Variants in NDUFA3 observed in about 807,000 individuals in gnomAD.
NDUFA3 encodes the protein NADH dehydrogenase [ubiquinone] 1 alpha subcomplex subunit 3.
Under a neutral mutation model 11.4 loss-of-function variants are expected in NDUFA3, and 10 were observed. The ratio of observed to expected loss-of-function variants is 0.87; its 90% CI spans 0.54 to 1.48. NDUFA3 has a LOEUF of 1.48. Ranked by LOEUF, NDUFA3 falls within the 40% of genes most tolerant of loss-of-function variation. The pLI is 0.00. For synonymous variants in NDUFA3, 39 were observed against 46.9 expected (o/e 0.83, Z 0.68); for missense variants, 115 against 110.5 (o/e 1.04, Z -0.18).
Position 54,106,923 on chromosome 19 carries a change from G to A in NDUFA3, c.*21G>A, listed in dbSNP as rs587609707. ...TGTGAGCACCTCCACTGACAGAGGC[G>A]GCCCCTCCCACGGCTCCCAATAAAA... is the stretch of plus-strand genomic sequence containing the variant. On this transcript the variant is annotated 3_prime_UTR_variant, in exon 4 of 4. Transcript: ENST00000485876. 5.0e-6 allele frequency: 8 copies of A among 1,605,828 alleles called. No individual in the cohort carries two copies. The highest frequency in any genetic ancestry group is 3.4e-5 in the Admixed American group (2 of 58,174).
chr19:54,105,799 A>T, intron 2 of NDUFA3, 135 bp from the exon 3 acceptor site: 1 of 752,042 alleles, frequency 1.3e-6, no homozygotes, highest in Non-Finnish European at 2.4e-6. Context: ...GGTACCAAGG[A>T]TCCTCCTGGA....
Position 54,107,027 on chromosome 19 carries a change from G to A in NDUFA3, c.*125G>A, listed in dbSNP as rs1271889021. The stretch of plus-strand genomic sequence containing the variant: ...AGTAGACGGTGGCCGGGGTGAGTGT[G>A]GGGTCAGTTTATTGGGCATGCGTCA... On this transcript the variant is annotated 3_prime_UTR_variant, in exon 4 of 4. Coordinates refer to ENST00000485876, the MANE Select transcript of NDUFA3 (RefSeq NM_004542.4). The A allele has an allele frequency of 4.3e-6, 7 of 1,611,642 alleles. No homozygotes were observed. Among genetic ancestry groups the A allele is most frequent in the Non-Finnish European group, 5.9e-6 (7 of 1,178,786 alleles).
At chr19:54,105,183 C>T (rs1170034704) in intron 2 of NDUFA3, among the ~76,000 whole-genome samples, 1 of 151,800 alleles carries the variant, frequency 6.6e-6, no homozygotes, top group Non-Finnish European at 1.5e-5. Context: ...CCCCATCCCC[C>T]AGGACTCCTG....
chr19:54,106,960 A>G lies in NDUFA3; in HGVS notation c.*58A>G, dbSNP rs76095070. 5 of 1,600,718 alleles carry G rather than the reference A, an allele frequency of 3.1e-6. No homozygotes were observed. The East Asian group carries it at 1.1e-4, about 36-fold the overall frequency. ...GGCTCCCAATAAAAATGTGAAAACC[A>G]ACCCCCGAACGTGAGCATGTGTGTG... is the stretch of plus-strand genomic sequence containing the variant. On this transcript the variant is annotated 3_prime_UTR_variant, in exon 4 of 4. Transcript: ENST00000485876.
chr19:54,106,664 C>T (rs1233535675), intron 3 of NDUFA3, 147 bp from the exon 4 acceptor site: 1 of 591,498 alleles, frequency 1.7e-6, no homozygotes, highest in East Asian at 3.1e-5. Flanking sequence ...GTATTTCCCG[C>T]CTCTTTCTGC....
At position 54,106,992 on chromosome 19, in the gene NDUFA3, G is replaced by A; in HGVS notation, c.*90G>A. The A allele has an allele frequency of 6.2e-7, 1 of 1,606,054 alleles. No individual in the cohort carries two copies. The highest frequency in any genetic ancestry group is 2.2e-5 in the East Asian group (1 of 44,702). On this transcript the variant is annotated 3_prime_UTR_variant, in exon 4 of 4. Transcript: ENST00000485876. ...GAACGTGAGCATGTGTGTGATCAGA[G>A]GTGGGAACAAGTAGACGGTGGCCGG...
At chr19:54,102,917 G>A in intron 1 of NDUFA3, 29 bp downstream of exon 1, 1 of 1,608,284 alleles carries the variant, frequency 6.2e-7, no homozygotes. Flanking sequence ...GGCGCACGGG[G>A]CTCGGGTAGT....
chr19:54,105,960 T>A lies in NDUFA3; in HGVS notation c.112T>A (p.Tyr38Asn). 6.2e-7 allele frequency: 1 copy of A among 1,613,810 alleles called. No individual in the cohort carries two copies. The change falls in exon 3 of 4, where the codon TAC becomes AAC. Residue 38 changes from tyrosine to asparagine, a missense_variant. Physicochemically the swap from Tyr to Asn is moderately radical, Grantham distance 143 (BLOSUM62 -2). Transcript: ENST00000485876. ...TGTAATTCTGCCCCCATTGAGCCCC[T>A]ACTTCAAGTACTCCGTCATGATCAA... is the stretch of plus-strand genomic sequence containing the variant. ...LAVILPPLSP[Y>N]FKYSVMINKA... is the part of the protein sequence containing the mutation.
At position 54,103,138 on chromosome 19, in the gene NDUFA3, C is replaced by G. The variant is rs138758439; in HGVS notation, c.35C>G (p.Ala12Gly). The G allele has an allele frequency of 2.7e-4, 436 of 1,611,510 alleles. 1 individual carries two copies. In the African/African-American group the frequency reaches 4.9e-3, roughly 18 times the overall value. ...AARVGAFLKN[A>G]WDKEPVLVVS... ...GGAGTCGGCGCCTTCCTCAAGAATG[C>G]CTGGGACAAGGAGCCAGTGCTGGTC... The change falls in exon 2 of 4, where the codon GCC becomes GGC. Residue 12 changes from alanine to glycine, a missense_variant. Coordinates refer to ENST00000485876, the MANE Select transcript of NDUFA3 (RefSeq NM_004542.4).
chr19:54,107,169 T>G lies in NDUFA3; in HGVS notation c.*267T>G. On this transcript the variant is annotated 3_prime_UTR_variant, in exon 4 of 4. Transcript: ENST00000485876. Reference sequence around the variant, plus strand: ...AAGCCAAAGTCTTCCTCAACCTTAATCTGCAGGAGATAAGGAACAAGGTGT... The same window carrying G: ...AAGCCAAAGTCTTCCTCAACCTTAAGCTGCAGGAGATAAGGAACAAGGTGT... 6.2e-7 allele frequency: 1 copy of G among 1,612,742 alleles called. No individual in the cohort carries two copies. The highest frequency in any genetic ancestry group is 1.3e-5 in the African/African-American group (1 of 74,846).
intron 2 of NDUFA3, chr19:54,105,687 C>G: frequency 1.4e-6 from 1 of 692,742 alleles, no homozygotes. Context: ...GCTGCCTCCT[C>G]CAGGCCCCAC....
intron 2 of NDUFA3, among the ~76,000 whole-genome samples, chr19:54,104,626 G>A (rs1028180316): frequency 5.3e-5 from 8 of 152,172 alleles, no homozygotes; most frequent in Non-Finnish European, 7.3e-5. Flanking sequence ...AATTGAGGTG[G>A]TATAAGACAC....
intron 2 of NDUFA3, among the ~76,000 whole-genome samples, chr19:54,104,248 C>A (rs1033657354): frequency 6.7e-6 from 1 of 150,288 alleles, no homozygotes; most frequent in Non-Finnish European, 1.5e-5. Flanking sequence ...AGTGATTCTC[C>A]TGCCTCCGCC....
chr19:54,103,287 C>A (rs1258741015), intron 2 of NDUFA3, 99 bp downstream of exon 2: 3 of 1,251,014 alleles, frequency 2.4e-6, no homozygotes, highest in Non-Finnish European at 3.3e-6. Context: ...CCCTCGGGTC[C>A]CCTCTAGTGT....
At chr19:54,103,001 A>G in intron 1 of NDUFA3, 113 bp downstream of exon 1, 3 of 1,537,476 alleles carry the variant, frequency 2.0e-6, no homozygotes, top group Non-Finnish European at 2.7e-6. Flanking sequence ...TCCGTGCTGG[A>G]GGGGAACGCA....
intron 2 of NDUFA3, 30 bp from the exon 3 acceptor site, chr19:54,105,904 C>T: frequency 6.4e-7 from 1 of 1,573,020 alleles, no homozygotes; most frequent in Non-Finnish European, 8.8e-7. Context: ...GCCACCTTCC[C>T]CTGGGCCTCA....
At chr19:54,106,782 G>C (rs1443262490) in intron 3 of NDUFA3, 29 bp from the exon 4 acceptor site, 1 of 1,581,224 alleles carries the variant, frequency 6.3e-7, no homozygotes, top group Non-Finnish European at 8.6e-7. Flanking sequence ...AGACGTGCTG[G>C]TCTCAGTGGC....
intron 3 of NDUFA3, 28 bp from the exon 4 acceptor site, chr19:54,106,783 T>C (rs2073274531): frequency 6.3e-7 from 1 of 1,580,558 alleles, no homozygotes; most frequent in Admixed American, 1.8e-5. Context: ...GACGTGCTGG[T>C]CTCAGTGGCC....
rs187038924 is a variant in NDUFA3, at chr19:54,105,974, C to T, written c.126C>T (p.Ser42=). 567 of 1,613,900 alleles carry T rather than the reference C, an allele frequency of 3.5e-4. 4 individuals are homozygous for T. The Admixed American group carries it at 8.5e-3, about 24-fold the overall frequency. ...CATTGAGCCCCTACTTCAAGTACTC[C>T]GTCATGATCAACAAGGCCACGCCCT... is the stretch of plus-strand genomic sequence containing the variant. The part of the protein sequence containing the change: ...LPPLSPYFKY[S]VMINKATPYN... Residue 42 remains serine (S), a synonymous_variant, in exon 3 of 4, where the codon TCC becomes TCT. Coordinates refer to ENST00000485876, the MANE Select transcript of NDUFA3 (RefSeq NM_004542.4).
Sources: gnomAD v4.1 joint callset for allele counts (sites outside exome capture counted in the v4.1 genomes callset) on GRCh38, gnomAD v4.1.1 for gene constraint, MANE v1.5 for transcripts, NCBI Gene and HGNC (gene_info 2026-07-23, HGNC 2026-07-21) for gene names.